The following NAA15 variants were observed in gnomAD, a reference collection of about 807,000 sequenced individuals.
NAA15 encodes the protein N-alpha-acetyltransferase 15, NatA auxiliary subunit.
A neutral mutation model predicts 114.0 loss-of-function variants in NAA15; 34 were observed. The ratio of observed to expected loss-of-function variants is 0.30; its 90% CI spans 0.23 to 0.40. The LOEUF is 0.40. NAA15 is among the 10% of genes least tolerant of loss of function. The pLI, the probability that NAA15 is intolerant of heterozygous loss-of-function variation, is 1.00. For synonymous variants in NAA15, 340 were observed against 338.0 expected (o/e 1.01, Z -0.06); for missense variants, 658 against 1,004.5 (o/e 0.66, Z 4.66).
chr4:139,351,580 C>T lies in NAA15; in HGVS notation c.983C>T (p.Thr328Ile). 2 of 1,583,780 alleles carry T rather than the reference C, an allele frequency of 1.3e-6. No individual in the cohort carries two copies. The highest frequency in any genetic ancestry group is 1.7e-6 in the Non-Finnish European group (2 of 1,152,790). ...AAGGGTTGCCCACCAGTCTTCAATA[C>T]TTTAAGATCATTATACAAAGACAAA... ...FSKGCPPVFN[T>I]LRSLYKDKEK... The change falls in exon 9 of 20, where the codon ACT becomes ATT. Residue 328 changes from threonine to isoleucine, a missense_variant. By Grantham distance (89) the Thr-to-Ile change is moderately conservative. This residue lies in a region of NAA15 where 281 missense variants were observed against 389.1 expected (regional missense o/e 0.72). Coordinates refer to ENST00000296543, the MANE Select transcript of NAA15 (RefSeq NM_057175.5).
intron 14 of NAA15, 79 bp downstream of exon 14, chr4:139,362,016 T>C: frequency 1.0e-6 from 1 of 975,078 alleles, no homozygotes; most frequent in Non-Finnish European, 1.5e-6. Flanking sequence ...TTTAATAGTA[T>C]TGCTCCATGT....
chr4:139,384,096 C>T (rs1560983459), intron 17 of NAA15, among the ~76,000 whole-genome samples: 1 of 152,234 alleles, frequency 6.6e-6, no homozygotes, highest in Non-Finnish European at 1.5e-5. Context: ...CCTTTGCTTA[C>T]AGTTCCTTTC....
At chr4:139,333,783 C>G (rs980598659) in intron 1 of NAA15, among the ~76,000 whole-genome samples, 1 of 151,706 alleles carries the variant, frequency 6.6e-6, no homozygotes, top group Non-Finnish European at 1.5e-5. Flanking sequence ...GCCTGTAGTC[C>G]CAGCTACTTG....
intron 14 of NAA15, among the ~76,000 whole-genome samples, chr4:139,368,597 G>C (rs1455073214): frequency 1.3e-5 from 2 of 152,162 alleles, no homozygotes; most frequent in Non-Finnish European, 2.9e-5. Context: ...AATGATCCAA[G>C]AGAAAGCAAG....
intron 17 of NAA15, among the ~76,000 whole-genome samples, chr4:139,382,199 A>AT (rs550041153): frequency 1.2e-3 from 181 of 152,112 alleles, no homozygotes; most frequent in Admixed American, 2.9e-3. Flanking sequence ...CTGCAGTAGA[A>AT]TTTTTTTATC....
rs202230897 is a variant in NAA15, at chr4:139,351,229, T to G, written c.850T>G (p.Trp284Gly). The change falls in exon 8 of 20, where the codon TGG becomes GGG. Residue 284 changes from tryptophan to glycine, a missense_variant. By Grantham distance (184) the Trp-to-Gly change is radical (BLOSUM62 -2). Coordinates refer to ENST00000296543, the MANE Select transcript of NAA15 (RefSeq NM_057175.5). The part of the protein sequence containing the change: ...LERLKIYEEA[W>G]TKYPRGLVPR... ...ACGGCTAAAAATTTATGAGGAAGCC[T>G]GGACTAAATATCCCAGGGGACTGGT... 2.9e-4 allele frequency: 461 copies of G among 1,608,050 alleles called. 2 individuals are homozygous for G. Among genetic ancestry groups the G allele is most frequent in the Non-Finnish European group, 3.5e-4 (417 of 1,176,888 alleles).
At chr4:139,342,506 G>A (rs564563288) in intron 4 of NAA15, among the ~76,000 whole-genome samples, 18 of 146,312 alleles carry the variant, frequency 1.2e-4, no homozygotes, top group South Asian at 4.3e-4. Context: ...TTGAGACGGC[G>A]TCTTGCTCTG....
chr4:139,306,273 T>C (rs937771989), intron 1 of NAA15, among the ~76,000 whole-genome samples: 4 of 152,224 alleles, frequency 2.6e-5, no homozygotes, highest in Non-Finnish European at 5.9e-5. Flanking sequence ...ACAGTTTTGC[T>C]CTGTCACCCA....
chr4:139,310,803 C>T (rs886372659), intron 1 of NAA15, among the ~76,000 whole-genome samples: 1 of 151,494 alleles, frequency 6.6e-6, no homozygotes, highest in African/African-American at 2.4e-5. Flanking sequence ...ATTTTTAGTA[C>T]AGGCGGGGTT....
intron 1 of NAA15, among the ~76,000 whole-genome samples, chr4:139,314,163 T>A (rs186820115): frequency 4.6e-4 from 70 of 152,054 alleles, no homozygotes; most frequent in African/African-American, 1.6e-3. Context: ...TTGTAAATTA[T>A]TGTGAAGTGG....
intron 3 of NAA15, 23 bp downstream of exon 3, chr4:139,336,975 A>G: frequency 6.7e-7 from 1 of 1,502,850 alleles, no homozygotes; most frequent in Non-Finnish European, 9.0e-7. Context: ...AGATATATTT[A>G]AGGTTTGAGT....
At chr4:139,363,752 T>C (rs1287114844) in intron 14 of NAA15, among the ~76,000 whole-genome samples, 1 of 152,232 alleles carries the variant, frequency 6.6e-6, no homozygotes, top group African/African-American at 2.4e-5. Flanking sequence ...CAGTTTTTAT[T>C]ACCACCAACA....
At chr4:139,352,114 T>C (rs1215197561) in intron 9 of NAA15, among the ~76,000 whole-genome samples, 3 of 151,906 alleles carry the variant, frequency 2.0e-5, no homozygotes, top group Non-Finnish European at 4.4e-5. Flanking sequence ...TTTTAATTAT[T>C]TTTTTTTCTT....
chr4:139,305,604 C>A (rs1001852031), intron 1 of NAA15, among the ~76,000 whole-genome samples: 1 of 147,942 alleles, frequency 6.8e-6, no homozygotes, highest in African/African-American at 2.5e-5. Context: ...ATGGCATGAT[C>A]TCGGCTCACC....
chr4:139,382,144 A>G (rs1748771883), intron 17 of NAA15, among the ~76,000 whole-genome samples: 1 of 152,174 alleles, frequency 6.6e-6, no homozygotes, highest in Non-Finnish European at 1.5e-5. Context: ...AAGGGTACAC[A>G]TAAAATTTCA....
intron 13 of NAA15, among the ~76,000 whole-genome samples, chr4:139,361,134 G>A (rs1054599989): frequency 6.6e-6 from 1 of 151,752 alleles, no homozygotes; most frequent in African/African-American, 2.4e-5. Context: ...TCTTTTTTGT[G>A]TTTTACACAG....
In NAA15 at chr4:139,378,633, C is replaced by T. The variant is rs3762865; in HGVS notation, c.2057-123C>T. On this transcript the variant is annotated intron_variant, in intron 16 of 19. Coordinates refer to ENST00000296543, the MANE Select transcript of NAA15 (RefSeq NM_057175.5). ...TTTGAGGAAAATCGTTTGCCTCAAT[C>T]GTATGTTTGTGGTTCTGATGTGATC... is the stretch of plus-strand genomic sequence containing the variant. The T allele has an allele frequency of 0.21, 92,786 of 451,152 alleles. 10,656 individuals are homozygous for T. Among genetic ancestry groups the T allele is most frequent in the South Asian group, 0.38 (5,813 of 15,306 alleles). The allele number at this position is 451,152 out of a possible 1,614,324, so 27.9% of individuals were successfully genotyped here.
intron 18 of NAA15, 94 bp downstream of exon 18, chr4:139,385,072 G>C (rs1241887967): frequency 9.2e-7 from 1 of 1,090,934 alleles, no homozygotes; most frequent in East Asian, 2.8e-5. Context: ...TAGAATGGAA[G>C]AGGCAGTGTG....
intron 2 of NAA15, among the ~76,000 whole-genome samples, chr4:139,334,855 A>G (rs773188134): frequency 6.6e-6 from 1 of 152,210 alleles, no homozygotes; most frequent in Non-Finnish European, 1.5e-5. Flanking sequence ...ACTATTGATA[A>G]TGCACTCTTA....
Sources: allele counts gnomAD v4.1 joint callset (sites outside exome capture counted in the v4.1 genomes callset), GRCh38; gene constraint gnomAD v4.1.1; regional missense constraint gnomAD v4.1.1; transcripts MANE v1.5; gene names NCBI Gene and HGNC (gene_info 2026-07-23, HGNC 2026-07-21).